RAD54L: variants seen among roughly 807,000 people sequenced by gnomAD.
RAD54L encodes the protein DNA repair and recombination protein RAD54-like.
In RAD54L, 74 loss-of-function variants were observed where a neutral mutation model predicts 91.6. That is an observed-to-expected ratio of 0.81 (90% CI 0.67 to 0.98). The LOEUF is 0.98. Among genes scored for constraint, RAD54L ranks in the 50% least tolerant of loss-of-function variants. The probability of loss-of-function intolerance (pLI) is 0.00; values close to 1 mark genes in which losing one functional copy is unlikely to be tolerated. For missense variants in RAD54L, 887 were observed against 945.7 expected (o/e 0.94, Z 0.81); for synonymous variants, 304 against 349.7 (o/e 0.87, Z 1.46).
At position 46,261,306 on chromosome 1, in the gene RAD54L, T is replaced by C; in HGVS notation, c.812T>C (p.Leu271Pro). The change falls in exon 8 of 18, where the codon CTC becomes CCC. Residue 271 changes from leucine (L) to proline (P), a missense_variant. Physicochemically the swap from Leu to Pro is moderately conservative, Grantham distance 98. Transcript: ENST00000371975. ...GGAGCCAGGGTGTCTTCTCCCATCC[T>C]CATCATTTCCTATGAGACCTTCCGC... ...QRGARVSSPI[L>P]IISYETFRLH... 6.2e-7 allele frequency: 1 copy of C among 1,613,634 alleles called. No homozygotes were observed. The highest frequency in any genetic ancestry group is 8.5e-7 in the Non-Finnish European group (1 of 1,179,860).
At chr1:46,275,591 A>G (rs1488506102) in intron 16 of RAD54L, among the ~76,000 whole-genome samples, 3 of 152,180 alleles carry the variant, frequency 2.0e-5, no homozygotes, top group Non-Finnish European at 4.4e-5. Flanking sequence ...TTGCATTTAC[A>G]TGTTGGTACT....
chr1:46,248,630 A>T (rs777875523), intron 2 of RAD54L, 32 bp downstream of exon 2: 2 of 1,603,446 alleles, frequency 1.2e-6, no homozygotes, highest in Non-Finnish European at 1.7e-6. Flanking sequence ...GAAGGTGGGT[A>T]GAGCTGTTTG....
intron 3 of RAD54L, 65 bp from the exon 4 acceptor site, chr1:46,258,621 T>C: frequency 8.4e-7 from 1 of 1,196,354 alleles, no homozygotes; most frequent in South Asian, 1.2e-5. Flanking sequence ...ATGTGAAGCA[T>C]ATCATGATAT....
At chr1:46,273,867 T>C in intron 14 of RAD54L, 120 bp downstream of exon 14, 2 of 1,391,576 alleles carry the variant, frequency 1.4e-6, no homozygotes, top group Non-Finnish European at 2.0e-6. Flanking sequence ...CCTGGAGATA[T>C]CTTCCCTTAT....
At chr1:46,269,296 AT>A (rs1660355177) in intron 9 of RAD54L, among the ~76,000 whole-genome samples, 1 of 149,010 alleles carries the variant, frequency 6.7e-6, no homozygotes, top group Non-Finnish European at 1.5e-5. Context: ...TAGTGTGAAT[AT>A]TCCAACTATA....
At position 46,278,062 on chromosome 1, in the gene RAD54L, C is replaced by G; in HGVS notation, c.2034-10C>G. The stretch of plus-strand genomic sequence containing the variant: ...TCTGTAGTGACTTCAGCTGTGCCTT[C>G]TGTCCCTAGGTTGCACTGCCGACGT... On this transcript the variant is annotated splice_polypyrimidine_tract_variant and intron_variant, in intron 17 of 17. Transcript: ENST00000371975. The G allele has an allele frequency of 6.2e-7, 1 of 1,614,160 alleles. No individual in the cohort carries two copies. Among genetic ancestry groups the G allele is most frequent in the Non-Finnish European group, 8.5e-7 (1 of 1,179,988 alleles).
chr1:46,274,224 C>A lies in RAD54L; in HGVS notation c.1689+8C>A, dbSNP rs759309333. The A allele has an allele frequency of 5.6e-6, 9 of 1,604,468 alleles. No homozygotes were observed. Among genetic ancestry groups the A allele is most frequent in the Middle Eastern group, 1.6e-4 (1 of 6,066 alleles). On this transcript the variant is annotated splice_region_variant and intron_variant, in intron 15 of 17. Transcript: ENST00000371975. ...CGCTTCAATAGTCCATCGGTAAATG[C>A]ACATCCCCGTCCCCACACCACCAAT...
intron 10 of RAD54L, 57 bp from the exon 11 acceptor site, chr1:46,272,409 C>T: frequency 1.4e-6 from 2 of 1,420,998 alleles, no homozygotes; most frequent in Non-Finnish European, 2.0e-6. Flanking sequence ...GCTTTTATTC[C>T]AGTAGTTAGC....
intron 4 of RAD54L, 152 bp downstream of exon 4, chr1:46,258,898 C>A: frequency 1.5e-6 from 1 of 687,438 alleles, no homozygotes; most frequent in Non-Finnish European, 2.6e-6. Context: ...CTGAGGCCTG[C>A]ATGAAAACTG....
chr1:46,256,452 T>C (rs185795065), intron 3 of RAD54L, among the ~76,000 whole-genome samples: 1 of 152,186 alleles, frequency 6.6e-6, no homozygotes, highest in Non-Finnish European at 1.5e-5. Flanking sequence ...TAATTAAAAA[T>C]AGTAAAGGCT....
chr1:46,270,541 T>C, intron 9 of RAD54L, 118 bp from the exon 10 acceptor site: 1 of 1,369,872 alleles, frequency 7.3e-7, no homozygotes, highest in South Asian at 1.2e-5. Context: ...GCCTATATTT[T>C]GTTTAGCCTT....
intron 3 of RAD54L, among the ~76,000 whole-genome samples, chr1:46,250,331 T>C (rs1659763335): frequency 6.6e-6 from 1 of 152,186 alleles, no homozygotes; most frequent in Non-Finnish European, 1.5e-5. Flanking sequence ...GGGCACCAGA[T>C]ATCAGATGGT....
At position 46,250,107 on chromosome 1, in the gene RAD54L, C is replaced by T. The variant is rs765096628; in HGVS notation, c.198C>T (p.Asp66=). 1.2e-5 allele frequency: 20 copies of T among 1,614,072 alleles called. No individual in the cohort carries two copies. The highest frequency in any genetic ancestry group is 1.2e-5 in the Non-Finnish European group (14 of 1,180,052). ...TAACCAATCAACCACCTTGTCTGGACAGCAGTCAGCATGTAAGCCAGAACT... is the reference window on the plus strand; with the variant it reads ...TAACCAATCAACCACCTTGTCTGGATAGCAGTCAGCATGTAAGCCAGAACT... ...SQLTNQPPCL[D]SSQHEAFIRS... The change falls in exon 3 of 18, where the codon GAC becomes GAT. Residue 66 remains aspartate, a synonymous_variant. Coordinates refer to ENST00000371975, the MANE Select transcript of RAD54L (RefSeq NM_003579.4).
At chr1:46,251,144 A>T (rs1659787694) in intron 3 of RAD54L, among the ~76,000 whole-genome samples, 1 of 151,970 alleles carries the variant, frequency 6.6e-6, no homozygotes, top group Admixed American at 6.5e-5. Flanking sequence ...TCCCGTCTCT[A>T]TTAAAAATAC....
At position 46,278,391 on chromosome 1, in the gene RAD54L, A is replaced by C; in HGVS notation, c.*109A>C. The C allele has an allele frequency of 7.9e-7, 1 of 1,270,748 alleles. No homozygotes were observed. The allele number at this position is 1,270,748 out of a possible 1,614,324, so 78.7% of individuals were successfully genotyped here. A position where few individuals can be genotyped will look rare whatever the true frequency, so the allele number is the denominator to read the frequency against. Reference sequence around the variant, plus strand: ...GTTCTCTGGGAGAAAATCATCAAGAAGGGCTGCATGATGTTTGCCCAAAAT... The same window carrying C: ...GTTCTCTGGGAGAAAATCATCAAGACGGGCTGCATGATGTTTGCCCAAAAT... On this transcript the variant is annotated 3_prime_UTR_variant, in exon 18 of 18. Transcript: ENST00000371975.
intron 16 of RAD54L, 97 bp from the exon 17 acceptor site, chr1:46,277,720 G>A: frequency 7.3e-7 from 1 of 1,365,852 alleles, no homozygotes; most frequent in Non-Finnish European, 1.0e-6. Context: ...CCTCTTCTCG[G>A]GTAGCTGTAG....
rs543289483 is a variant in RAD54L, at chr1:46,272,476, C to T, written c.1180C>T (p.Arg394Trp). 96 of 1,610,306 alleles carry T rather than the reference C, an allele frequency of 6.0e-5. No homozygotes were observed. Among genetic ancestry groups the T allele is most frequent in the Admixed American group, 1.3e-4 (8 of 60,018 alleles). Residue 394 changes from arginine to tryptophan, a missense_variant, in exon 11 of 18, where the codon CGG becomes TGG. Arg to Trp is a moderately radical substitution (Grantham distance 101). Transcript: ENST00000371975. ...TCCTGTTTTCTCTAGATGCCTGATA[C>T]GGAGGACTTCTGATATCCTTTCTAA... ...LTSIVNRCLI[R>W]RTSDILSKYL...
chr1:46,247,980 C>T lies in RAD54L; in HGVS notation c.-426C>T, dbSNP rs904267951. ...TCCAGACTCGCCCTCCCCACCCGGG[C>T]CTCGGACTTTCACCCCAGCTTCTCT... On this transcript the variant is annotated 5_prime_UTR_variant, in exon 1 of 18. Coordinates refer to ENST00000371975, the MANE Select transcript of RAD54L (RefSeq NM_003579.4). 18 of 298,374 alleles carry T rather than the reference C, an allele frequency of 6.0e-5. No individual in the cohort carries two copies. The highest frequency in any genetic ancestry group is 2.7e-4 in the South Asian group (8 of 29,442). The allele number at this position is 298,374 out of a possible 1,614,324, so 18.5% of individuals were successfully genotyped here.
intron 8 of RAD54L, among the ~76,000 whole-genome samples, chr1:46,262,836 C>A (rs1228283632): frequency 6.6e-6 from 1 of 152,042 alleles, no homozygotes; most frequent in Admixed American, 6.5e-5. Context: ...TTTTGTTTTC[C>A]TTTCACAGGG....
Sources: gnomAD v4.1 joint callset for allele counts (sites outside exome capture counted in the v4.1 genomes callset) on GRCh38, gnomAD v4.1.1 for gene constraint, MANE v1.5 for transcripts, NCBI Gene and HGNC (gene_info 2026-07-23, HGNC 2026-07-21) for gene names.